Variants in CNBD1 observed in about 807,000 individuals in gnomAD.
CNBD1 encodes the protein cyclic nucleotide-binding domain-containing protein 1.
Under a neutral mutation model 54.4 loss-of-function variants are expected in CNBD1, and 71 were observed. The ratio of observed to expected loss-of-function variants is 1.30; its 90% CI spans 1.08 to 1.59. CNBD1 has a LOEUF of 1.59. Ranked by LOEUF, CNBD1 falls within the 40% of genes most tolerant of loss-of-function variation. The pLI is 0.00. For synonymous variants in CNBD1, 182 were observed against 170.7 expected (o/e 1.07, Z -0.51); for missense variants, 659 against 518.0 (o/e 1.27, Z -2.64).
chr8:87,191,636 T>C (rs1332360050), intron 4 of CNBD1, among the ~76,000 whole-genome samples: 1 of 152,162 alleles, frequency 6.6e-6, no homozygotes, highest in Non-Finnish European at 1.5e-5. Flanking sequence ...GAAAGTTAAA[T>C]TAGAGATACA....
intron 4 of CNBD1, among the ~76,000 whole-genome samples, chr8:87,009,086 G>A (rs556755944): frequency 5.9e-5 from 9 of 151,346 alleles, no homozygotes; most frequent in East Asian, 1.9e-4. Flanking sequence ...ATTTTCTGGC[G>A]AGCTACATAT....
At chr8:87,051,687 A>G (rs753587703) in intron 4 of CNBD1, among the ~76,000 whole-genome samples, 35 of 152,218 alleles carry the variant, frequency 2.3e-4, no homozygotes, top group Non-Finnish European at 4.7e-4. Context: ...CGCTCATGCT[A>G]TTGTTTGTGG....
intron 10 of CNBD1, among the ~76,000 whole-genome samples, chr8:87,375,697 A>G (rs1486667758): frequency 1.3e-5 from 2 of 151,860 alleles, no homozygotes; most frequent in Admixed American, 6.6e-5. Context: ...CAAAACTTCC[A>G]TCTCTTATTT....
intron 4 of CNBD1, among the ~76,000 whole-genome samples, chr8:87,052,160 C>T (rs886174580): frequency 6.6e-6 from 1 of 152,196 alleles, no homozygotes; most frequent in African/African-American, 2.4e-5. Context: ...CTCTCTTGTA[C>T]TTCCTCTCTT....
chr8:87,127,452 A>G (rs1015636184), intron 4 of CNBD1, among the ~76,000 whole-genome samples: 1 of 152,138 alleles, frequency 6.6e-6, no homozygotes, highest in East Asian at 1.9e-4. Flanking sequence ...CACTATCTGG[A>G]CGTTCATTGT....
At chr8:87,230,674 G>A (rs191641515) in intron 5 of CNBD1, among the ~76,000 whole-genome samples, 18 of 152,276 alleles carry the variant, frequency 1.2e-4, no homozygotes, top group Admixed American at 8.5e-4. Flanking sequence ...AGAACACCTA[G>A]CACAGTGCAT....
At chr8:87,146,703 A>G (rs1027377351) in intron 4 of CNBD1, among the ~76,000 whole-genome samples, 1 of 152,054 alleles carries the variant, frequency 6.6e-6, no homozygotes, top group African/African-American at 2.4e-5. Flanking sequence ...AGCAAGTCCT[A>G]TTAAGTATGC....
At chr8:87,160,183 A>T (rs1220908429) in intron 4 of CNBD1, among the ~76,000 whole-genome samples, 6 of 151,894 alleles carry the variant, frequency 4.0e-5, no homozygotes, top group Non-Finnish European at 1.5e-5. Context: ...TTGTGAAAAA[A>T]CTTATTTCTT....
chr8:86,887,590 GC>G lies in CNBD1; in HGVS notation c.139del (p.His47ThrfsTer10). 1 of 1,582,686 alleles carries G rather than the reference GC, an allele frequency of 6.3e-7. No homozygotes were observed. The highest frequency in any genetic ancestry group is 8.6e-7 in the Non-Finnish European group (1 of 1,162,300). On this transcript the variant is annotated frameshift_variant, in exon 2 of 11. Transcript: ENST00000518476. LOFTEE classifies it high-confidence loss of function. ...HINYGQLNAL[C>X]HIRGQHSRSM... ...AATTATGGCCAGTTGAATGCATTAT[GC>G]CACATTAGAGGACAACACAGGTAAG...
intron 2 of CNBD1, among the ~76,000 whole-genome samples, chr8:87,409,193 T>C (rs13276450): frequency 0.3 from 46,100 of 152,082 alleles, 7,324 homozygotes; most frequent in Middle Eastern, 0.41. Context: ...TAAAAAGTTT[T>C]ACTCCGGTAA....
At chr8:87,129,903 T>C (rs1408530217) in intron 4 of CNBD1, among the ~76,000 whole-genome samples, 1 of 152,180 alleles carries the variant, frequency 6.6e-6, no homozygotes, top group Non-Finnish European at 1.5e-5. Context: ...TTAATTGACC[T>C]ACAGATTCAC....
intron 6 of CNBD1, among the ~76,000 whole-genome samples, chr8:87,256,709 G>A (rs970545743): frequency 3.6e-5 from 3 of 84,046 alleles, no homozygotes; most frequent in Admixed American, 2.9e-4. Flanking sequence ...TTTTTCTTTG[G>A]GAAATGCTGT....
At chr8:87,229,390 C>A (rs1031678419) in intron 5 of CNBD1, among the ~76,000 whole-genome samples, 10 of 152,078 alleles carry the variant, frequency 6.6e-5, no homozygotes, top group Non-Finnish European at 1.3e-4. Context: ...TTAAAAATTT[C>A]AAATGCTTAT....
chr8:87,000,636 A>G (rs1427133728), intron 4 of CNBD1, among the ~76,000 whole-genome samples: 3 of 152,226 alleles, frequency 2.0e-5, no homozygotes, highest in Admixed American at 2.0e-4. Context: ...ATTAAATGTT[A>G]GATATTATGC....
At chr8:87,025,297 G>T (rs116311295) in intron 4 of CNBD1, among the ~76,000 whole-genome samples, 4,280 of 152,230 alleles carry the variant, frequency 0.028, 191 homozygotes, top group African/African-American at 0.098. Flanking sequence ...CCAGCCAGCT[G>T]GGGCAACCTG....
intron 6 of CNBD1, among the ~76,000 whole-genome samples, chr8:87,273,184 A>G (rs1808403047): frequency 6.6e-6 from 1 of 152,040 alleles, no homozygotes; most frequent in Admixed American, 6.6e-5. Flanking sequence ...AATAATGTTT[A>G]GAAAATTATG....
intron 8 of CNBD1, among the ~76,000 whole-genome samples, chr8:87,305,749 T>C (rs531635544): frequency 1.3e-5 from 2 of 152,040 alleles, no homozygotes; most frequent in Non-Finnish European, 2.9e-5. Context: ...TATACACAAA[T>C]CAACTCAAAA....
At chr8:87,035,030 G>T (rs1162408541) in intron 4 of CNBD1, among the ~76,000 whole-genome samples, 4 of 152,024 alleles carry the variant, frequency 2.6e-5, no homozygotes, top group Non-Finnish European at 1.5e-5. Context: ...GACTGGAATA[G>T]GATTTGGAAG....
At chr8:87,127,616 T>C (rs1374305250) in intron 4 of CNBD1, among the ~76,000 whole-genome samples, 2 of 152,194 alleles carry the variant, frequency 1.3e-5, no homozygotes, top group African/African-American at 4.8e-5. Context: ...CAATTTTATT[T>C]CTTCTTTACT....
Sources: gnomAD v4.1 joint callset for allele counts (sites outside exome capture counted in the v4.1 genomes callset) on GRCh38, gnomAD v4.1.1 for gene constraint, MANE v1.5 for transcripts, NCBI Gene and HGNC (gene_info 2026-07-23, HGNC 2026-07-21) for gene names.